CALD1: variants seen among roughly 807,000 people sequenced by gnomAD.
CALD1 encodes the protein caldesmon 1, also known as caldesmon.
Under a neutral mutation model 99.9 loss-of-function variants are expected in CALD1, and 33 were observed. The ratio of observed to expected loss-of-function variants is 0.33; its 90% confidence interval spans 0.25 to 0.44. CALD1 has a LOEUF of 0.44. CALD1 is among the 20% of genes least tolerant of loss of function. The pLI, the probability that CALD1 is intolerant of heterozygous loss-of-function variation, is 1.00. For synonymous variants in CALD1, 310 were observed against 325.0 expected (o/e 0.95, Z 0.50); for missense variants, 861 against 962.1 (o/e 0.89, Z 1.39).
At chr7:134,955,470 A>T (rs1807693119) in intron 9 of CALD1, among the ~76,000 whole-genome samples, 1 of 152,258 alleles carries the variant, frequency 6.6e-6, no homozygotes. Flanking sequence ...TGGATTAAAC[A>T]ATAGAAATGT....
intron 9 of CALD1, among the ~76,000 whole-genome samples, chr7:134,953,565 A>G (rs1242899618): frequency 6.6e-6 from 1 of 150,862 alleles, no homozygotes; most frequent in African/African-American, 2.4e-5. Flanking sequence ...CTCTCTTTCT[A>G]CCTTCTTTAA....
chr7:134,839,418 T>C (rs1176907106), intron 1 of CALD1, among the ~76,000 whole-genome samples: 1 of 152,210 alleles, frequency 6.6e-6, no homozygotes, highest in African/African-American at 2.4e-5. Context: ...TTTTGTTGTA[T>C]ATATGCCTGT....
Position 134,941,075 on chromosome 7 carries a change from T to C in CALD1, c.1387-17T>C. ...TTTTTCTTGTTCTGTTTCTTCCTGATATGTACTGTTGGTTAGATCAAAGAT... is the reference window on the plus strand; with the variant it reads ...TTTTTCTTGTTCTGTTTCTTCCTGACATGTACTGTTGGTTAGATCAAAGAT... On this transcript the variant is annotated splice_polypyrimidine_tract_variant and intron_variant, in intron 6 of 14. Coordinates refer to ENST00000361675, the MANE Select transcript of CALD1 (RefSeq NM_033138.4). 6.3e-7 allele frequency: 1 copy of C among 1,588,962 alleles called. No homozygotes were observed. The highest frequency in any genetic ancestry group is 8.5e-7 in the Non-Finnish European group (1 of 1,171,950).
At chr7:134,780,954 TTC>T (rs1423249696) in intron 1 of CALD1, among the ~76,000 whole-genome samples, 5 of 152,230 alleles carry the variant, frequency 3.3e-5, no homozygotes, top group Admixed American at 3.3e-4. Context: ...CTGGATTTTA[TTC>T]CATGCAATGC....
chr7:134,958,142 A>C, intron 10 of CALD1, 30 bp downstream of exon 10: 1 of 1,608,208 alleles, frequency 6.2e-7, no homozygotes. Context: ...CAATTGAGCT[A>C]ATCAGCTAGC....
At chr7:134,721,869 T>C in the CALD1 span, among the ~76,000 whole-genome samples, 1 of 152,156 alleles carries the variant, frequency 6.6e-6, no homozygotes, top group Non-Finnish European at 1.5e-5. Context: ...GACTTGATAG[T>C]AGTGGGGTAG....
chr7:134,819,203 G>A (rs936033492), intron 1 of CALD1, among the ~76,000 whole-genome samples: 9 of 152,088 alleles, frequency 5.9e-5, no homozygotes, highest in African/African-American at 1.4e-4. Context: ...CAGTCTCTGC[G>A]GAATTAAGAA....
chr7:134,757,080 TGA>T (rs1796736377), intron 1 of CALD1, among the ~76,000 whole-genome samples: 1 of 149,802 alleles, frequency 6.7e-6, no homozygotes, highest in African/African-American at 2.4e-5. Flanking sequence ...CAGAAAATTT[TGA>T]GTCAATTTAG....
intron 2 of CALD1, among the ~76,000 whole-genome samples, chr7:134,858,756 G>A (rs908941327): frequency 3.3e-5 from 5 of 151,984 alleles, no homozygotes; most frequent in Non-Finnish European, 7.4e-5. Flanking sequence ...TTTTAGTAGA[G>A]ACAGGGTTTC....
intron 1 of CALD1, among the ~76,000 whole-genome samples, chr7:134,814,004 G>A (rs577269700): frequency 1.1e-4 from 16 of 152,266 alleles, no homozygotes; most frequent in Admixed American, 9.2e-4. Context: ...TGTTGAAATC[G>A]CTGAGAATTA....
At chr7:134,965,497 G>T in intron 14 of CALD1, 111 bp downstream of exon 14, 1 of 698,558 alleles carries the variant, frequency 1.4e-6, no homozygotes, top group Admixed American at 2.1e-5. Context: ...ATCTTTGCCT[G>T]CACACCCATC....
At chr7:134,918,631 G>A (rs1804390974) in intron 3 of CALD1, among the ~76,000 whole-genome samples, 1 of 152,220 alleles carries the variant, frequency 6.6e-6, no homozygotes, top group South Asian at 2.1e-4. Context: ...AGCACATAAG[G>A]ATCCCTAACA....
the CALD1 span, among the ~76,000 whole-genome samples, chr7:134,726,780 G>A: frequency 6.6e-6 from 1 of 152,080 alleles, no homozygotes; most frequent in Non-Finnish European, 1.5e-5. Context: ...TCAAAACCAG[G>A]CTTAGAAATT....
intron 3 of CALD1, among the ~76,000 whole-genome samples, chr7:134,871,199 T>C (rs1801059151): frequency 6.6e-6 from 1 of 152,248 alleles, no homozygotes; most frequent in South Asian, 2.1e-4. Flanking sequence ...TATGTTACTT[T>C]ATTTAAAGCC....
rs1807246187 is a variant in CALD1, at chr7:134,950,449, G to A, written c.1870G>A (p.Glu624Lys). The change falls in exon 9 of 15, where the codon GAA becomes AAA. Residue 624 changes from glutamate (E) to lysine (K), a missense_variant. Coordinates refer to ENST00000361675, the MANE Select transcript of CALD1 (RefSeq NM_033138.4). ...TGCTGAGAAACGCCAGAAGATGCCA[G>A]AAGATGGCTTGTCAGATGACAAGAA... The part of the protein sequence containing the change: ...EAAEKRQKMP[E>K]DGLSDDKKPF... 2 of 1,613,944 alleles carry A rather than the reference G, an allele frequency of 1.2e-6. No homozygotes were observed. Among genetic ancestry groups the A allele is most frequent in the Non-Finnish European group, 1.7e-6 (2 of 1,179,772 alleles).
At chr7:134,733,583 C>A in the CALD1 span, among the ~76,000 whole-genome samples, 100,214 of 151,568 alleles carry the variant, frequency 0.66, 33,614 homozygotes, top group East Asian at 0.89. Context: ...CTGAGGCGGG[C>A]GGATCATGAG....
intron 1 of CALD1, among the ~76,000 whole-genome samples, chr7:134,755,471 C>T (rs981156767): frequency 7.2e-5 from 11 of 152,108 alleles, no homozygotes; most frequent in African/African-American, 2.7e-4. Flanking sequence ...TTTGGTTTTA[C>T]TCCTCTATGA....
At chr7:134,828,665 T>C (rs1264321864) in intron 1 of CALD1, among the ~76,000 whole-genome samples, 6 of 152,336 alleles carry the variant, frequency 3.9e-5, no homozygotes, top group African/African-American at 1.2e-4. Flanking sequence ...ACCTATATCA[T>C]AGGATTCTTA....
At chr7:134,828,988 C>T (rs1386185178) in intron 1 of CALD1, among the ~76,000 whole-genome samples, 1 of 140,560 alleles carries the variant, frequency 7.1e-6, no homozygotes, top group Non-Finnish European at 1.6e-5. Context: ...TATAAAGCTC[C>T]CCCCCCATCT....
Sources: allele counts gnomAD v4.1 joint callset (sites outside exome capture counted in the v4.1 genomes callset), GRCh38; gene constraint gnomAD v4.1.1; transcripts MANE v1.5; gene names NCBI Gene and HGNC (gene_info 2026-07-23, HGNC 2026-07-21).